MACROD2: variants seen among roughly 807,000 people sequenced by gnomAD.
The protein encoded by MACROD2 is mono-ADP ribosylhydrolase 2.
A neutral mutation model predicts 70.4 loss-of-function variants in MACROD2; 36 were observed. The observed-to-expected ratio is 0.51, with a 90% CI of 0.39 to 0.68. MACROD2 has a LOEUF of 0.68. MACROD2 is among the 30% of genes least tolerant of loss of function. MACROD2 has a pLI of 0.00. For synonymous variants in MACROD2, 172 were observed against 178.8 expected (o/e 0.96, Z 0.30); for missense variants, 496 against 538.4 (o/e 0.92, Z 0.78).
At chr20:14,068,658 A>AC (rs2053799780) in intron 2 of MACROD2, among the ~76,000 whole-genome samples, 2 of 152,246 alleles carry the variant, frequency 1.3e-5, no homozygotes, top group Admixed American at 1.3e-4. Context: ...GATGAGGATG[A>AC]CCAGGCAAAG....
At chr20:14,002,515 AATT>A in intron 2 of MACROD2, 111 bp downstream of exon 2, 1 of 648,066 alleles carries the variant, frequency 1.5e-6, no homozygotes, top group Non-Finnish European at 2.6e-6. Context: ...TGCTATTTGA[AATT>A]ATTGTTTGGT....
chr20:14,098,685 A>C (rs1490475282), intron 3 of MACROD2, among the ~76,000 whole-genome samples: 1 of 152,208 alleles, frequency 6.6e-6, no homozygotes, highest in South Asian at 2.1e-4. Flanking sequence ...GAAATGAAAT[A>C]AGGCATATTT....
chr20:14,443,862 C>T (rs1158422137), intron 3 of MACROD2, among the ~76,000 whole-genome samples: 2 of 152,124 alleles, frequency 1.3e-5, no homozygotes, highest in African/African-American at 4.8e-5. Context: ...TGCAGGATTA[C>T]TGTCAGGGTT....
chr20:15,800,149 T>G (rs2063711030), intron 8 of MACROD2, among the ~76,000 whole-genome samples: 1 of 152,228 alleles, frequency 6.6e-6, no homozygotes. Flanking sequence ...TTCTTTTTGC[T>G]GTTGAGTTGT....
chr20:14,219,639 C>T (rs1488508816), intron 3 of MACROD2, among the ~76,000 whole-genome samples: 1 of 152,122 alleles, frequency 6.6e-6, no homozygotes, highest in African/African-American at 2.4e-5. Flanking sequence ...TTTCTGGTGC[C>T]TTCTCATTTG....
At position 14,445,495 on chromosome 20, in the gene MACROD2, A is replaced by G. The variant is rs563224978; in HGVS notation, c.272-47984A>G. Among the ~76,000 whole-genome samples, 16 of 152,124 alleles carry G rather than the reference A, an allele frequency of 1.1e-4. No individual in the cohort carries two copies. The South Asian group carries it at 3.3e-3, about 32-fold the overall frequency. Reference sequence around the variant, plus strand: ...ATGTGTTTCTTCCTCAAGATTACTGACACATTTCCCCAATTCCCCATTTTC... The same window carrying G: ...ATGTGTTTCTTCCTCAAGATTACTGGCACATTTCCCCAATTCCCCATTTTC... On this transcript the variant is annotated intron_variant, in intron 3 of 17. Transcript: ENST00000684519.
chr20:15,660,150 G>C (rs2049797773), intron 8 of MACROD2, among the ~76,000 whole-genome samples: 1 of 151,888 alleles, frequency 6.6e-6, no homozygotes, highest in Admixed American at 6.6e-5. Context: ...AGGCATAATG[G>C]GAGGAGAGAA....
At chr20:15,029,154 C>T (rs917238663) in intron 5 of MACROD2, among the ~76,000 whole-genome samples, 1 of 152,124 alleles carries the variant, frequency 6.6e-6, no homozygotes, top group African/African-American at 2.4e-5. Flanking sequence ...AGGCTTTCTT[C>T]CAGAAGGCCC....
intron 3 of MACROD2, among the ~76,000 whole-genome samples, chr20:14,224,494 GCA>G (rs1156777000): frequency 2.6e-5 from 4 of 152,150 alleles, no homozygotes; most frequent in African/African-American, 9.7e-5. Flanking sequence ...TCAGTCTTCT[GCA>G]CAGTTGATTT....
At chr20:14,622,475 C>G (rs1445672543) in intron 4 of MACROD2, among the ~76,000 whole-genome samples, 1 of 152,038 alleles carries the variant, frequency 6.6e-6, no homozygotes, top group Non-Finnish European at 1.5e-5. Context: ...AAAACTTGTA[C>G]CAAAGAAATC....
At chr20:14,346,143 T>C (rs773929224) in intron 3 of MACROD2, among the ~76,000 whole-genome samples, 52 of 150,014 alleles carry the variant, frequency 3.5e-4, no homozygotes, top group Non-Finnish European at 2.1e-4. Flanking sequence ...GCAATTCCCT[T>C]GTGAAAATCA....
rs1048027163 is a variant in MACROD2 at position 15,512,650 on chromosome 20, G to A, written c.645+12803G>A. Among the ~76,000 whole-genome samples the A allele has an allele frequency of 7.2e-5, 11 of 152,212 alleles. No homozygotes were observed. In the East Asian group the frequency reaches 1.7e-3, roughly 24 times the overall value. On this transcript the variant is annotated intron_variant, in intron 8 of 17. Coordinates refer to ENST00000684519, the MANE Select transcript of MACROD2 (RefSeq NM_001351661.2). ...GCATAGCGGCAAGAGATGATTTTCC[G>A]GTTGGTACCCTGTTGTCCTTTACTG...
intron 15 of MACROD2, among the ~76,000 whole-genome samples, chr20:16,024,783 C>T (rs1601340684): frequency 1.3e-5 from 2 of 152,224 alleles, no homozygotes; most frequent in Admixed American, 6.5e-5. Context: ...AGGGGGTGTT[C>T]CTGCTTCTAG....
At chr20:15,030,864 C>CTA (rs1344592000) in intron 5 of MACROD2, among the ~76,000 whole-genome samples, 1 of 152,170 alleles carries the variant, frequency 6.6e-6, no homozygotes, top group Admixed American at 6.5e-5. Context: ...CACAGGATCT[C>CTA]TAGGGTGTTG....
At chr20:14,456,893 A>T (rs1365547240) in intron 3 of MACROD2, among the ~76,000 whole-genome samples, 1 of 151,528 alleles carries the variant, frequency 6.6e-6, no homozygotes, top group South Asian at 2.1e-4. Context: ...ACTTTTTTGT[A>T]TTTTTAGTAG....
At chr20:14,804,159 CCATT>C (rs1354666668) in intron 5 of MACROD2, among the ~76,000 whole-genome samples, 2 of 151,966 alleles carry the variant, frequency 1.3e-5, no homozygotes, top group Admixed American at 6.6e-5. Flanking sequence ...TTAAATATCA[CCATT>C]CAAAAACCAA....
chr20:14,760,169 A>G (rs1600635328), intron 5 of MACROD2, among the ~76,000 whole-genome samples: 1 of 152,020 alleles, frequency 6.6e-6, no homozygotes, highest in Admixed American at 6.5e-5. Flanking sequence ...AGATGAAGGG[A>G]TATGGATCAC....
intron 3 of MACROD2, among the ~76,000 whole-genome samples, chr20:14,253,536 A>T (rs1033328011): frequency 2.0e-5 from 3 of 152,036 alleles, no homozygotes; most frequent in Admixed American, 2.0e-4. Flanking sequence ...ATATTTTTAG[A>T]TTGTTAATAT....
intron 5 of MACROD2, among the ~76,000 whole-genome samples, chr20:15,056,827 A>G (rs757480035): frequency 1.3e-5 from 2 of 152,158 alleles, no homozygotes; most frequent in Non-Finnish European, 2.9e-5. Context: ...TATGATCACA[A>G]CAACAAATAA....
Sources: gnomAD v4.1 joint callset for allele counts (sites outside exome capture counted in the v4.1 genomes callset) on GRCh38, gnomAD v4.1.1 for gene constraint, MANE v1.5 for transcripts, NCBI Gene and HGNC (gene_info 2026-07-23, HGNC 2026-07-21) for gene names.